SPAG16: variants seen among roughly 807,000 people sequenced by gnomAD.
SPAG16 encodes sperm-associated antigen 16 protein.
In SPAG16, 86 loss-of-function variants were observed where a neutral mutation model predicts 80.4. The observed-to-expected ratio is 1.07, with a 90% CI of 0.90 to 1.28. The LOEUF (loss-of-function observed/expected upper bound fraction) is 1.28, where lower values mean the gene tolerates loss of function less well. Among genes scored for constraint, SPAG16 ranks in the 50% most tolerant of loss-of-function variants. The probability of loss-of-function intolerance (pLI) is 0.00; values close to 1 mark genes in which losing one functional copy is unlikely to be tolerated. For synonymous variants in SPAG16, 294 were observed against 265.9 expected, an observed-to-expected ratio of 1.11 and a Z score of -1.03; for missense variants, 870 against 765.3, an observed-to-expected ratio of 1.14 and a Z score of -1.61.
intron 10 of SPAG16, among the ~76,000 whole-genome samples, chr2:213,731,478 C>G (rs182158255): frequency 2.3e-5 from 3 of 132,824 alleles, no homozygotes; most frequent in Admixed American, 1.5e-4. Flanking sequence ...TTTTTTTTTT[C>G]TTTTCCAACT....
chr2:213,301,602 A>G (rs1430925947), intron 3 of SPAG16, among the ~76,000 whole-genome samples: 4 of 152,086 alleles, frequency 2.6e-5, no homozygotes, highest in African/African-American at 4.8e-5. Context: ...AGTCTACCTT[A>G]AAGCTACCCT....
intron 12 of SPAG16, among the ~76,000 whole-genome samples, chr2:213,943,973 C>T (rs1431692028): frequency 2.0e-5 from 3 of 152,166 alleles, no homozygotes; most frequent in South Asian, 2.1e-4. Context: ...GACCATAGAG[C>T]TATTCAACTG....
At chr2:213,646,742 G>T (rs1272409142) in intron 10 of SPAG16, among the ~76,000 whole-genome samples, 8 of 152,200 alleles carry the variant, frequency 5.3e-5, no homozygotes, top group African/African-American at 1.9e-4. Flanking sequence ...ACTGTGTGAT[G>T]AAGTAATTTT....
chr2:214,372,095 C>G (rs1484484149), intron 15 of SPAG16, among the ~76,000 whole-genome samples: 1 of 152,120 alleles, frequency 6.6e-6, no homozygotes, highest in African/African-American at 2.4e-5. Flanking sequence ...TTGGGTCTCT[C>G]CTCTTTTGCA....
intron 8 of SPAG16, among the ~76,000 whole-genome samples, chr2:213,371,199 G>A (rs1050253046): frequency 6.6e-6 from 1 of 151,932 alleles, no homozygotes; most frequent in Admixed American, 6.6e-5. Context: ...ACGAGGTCAG[G>A]AAATCAAGAC....
At chr2:214,145,445 A>G (rs1214966205) in intron 14 of SPAG16, among the ~76,000 whole-genome samples, 3 of 152,178 alleles carry the variant, frequency 2.0e-5, no homozygotes, top group Non-Finnish European at 4.4e-5. Flanking sequence ...AAGTAATAGT[A>G]AAAGTTTCAG....
intron 11 of SPAG16, among the ~76,000 whole-genome samples, chr2:213,881,177 C>T (rs1459549547): frequency 6.6e-6 from 1 of 152,106 alleles, no homozygotes; most frequent in Non-Finnish European, 1.5e-5. Context: ...GATATCTCAT[C>T]TCCTTGGTTA....
chr2:213,317,212 A>G lies in SPAG16; in HGVS notation c.399-7A>G, dbSNP rs767691277. On this transcript the variant is annotated splice_polypyrimidine_tract_variant and splice_region_variant and intron_variant, in intron 4 of 15. Transcript: ENST00000331683. Reference sequence around the variant, plus strand: ...GATATAAACCCTTTTGTTTGATTTTATCCTAGGTATGAGTTAATACAGAAA... The same window carrying G: ...GATATAAACCCTTTTGTTTGATTTTGTCCTAGGTATGAGTTAATACAGAAA... The G allele has an allele frequency of 3.2e-5, 49 of 1,549,416 alleles. 2 individuals carry two copies. In the South Asian group the frequency reaches 5.8e-4, roughly 18 times the overall value.
At chr2:213,909,877 T>G (rs2372301) in intron 11 of SPAG16, among the ~76,000 whole-genome samples, 88,982 of 152,040 alleles carry the variant, frequency 0.59, 27,851 homozygotes, top group South Asian at 0.84. Context: ...TAAAGAAACT[T>G]GCATGAAAAC....
intron 9 of SPAG16, among the ~76,000 whole-genome samples, chr2:213,408,129 A>AAC (rs1559102252): frequency 6.6e-6 from 1 of 151,368 alleles, no homozygotes; most frequent in African/African-American, 2.4e-5. Context: ...AAAAAAAACA[A>AAC]AAAAACCAGT....
chr2:213,451,200 A>C (rs988891910), intron 9 of SPAG16, among the ~76,000 whole-genome samples: 1 of 152,182 alleles, frequency 6.6e-6, no homozygotes, highest in Non-Finnish European at 1.5e-5. Flanking sequence ...ATTTCATTTC[A>C]GGATAGTAAA....
At chr2:214,092,605 C>A (rs2052294835) in intron 13 of SPAG16, among the ~76,000 whole-genome samples, 1 of 151,546 alleles carries the variant, frequency 6.6e-6, no homozygotes, top group Non-Finnish European at 1.5e-5. Context: ...TTTATTGTAT[C>A]TTTTGCCATG....
At chr2:213,612,429 C>T (rs1218509992) in intron 10 of SPAG16, among the ~76,000 whole-genome samples, 1 of 152,140 alleles carries the variant, frequency 6.6e-6, no homozygotes, top group Admixed American at 6.5e-5. Context: ...AGCCAAGACA[C>T]CACGCTGAAT....
intron 11 of SPAG16, among the ~76,000 whole-genome samples, chr2:213,892,323 A>G (rs2076814218): frequency 1.3e-5 from 2 of 152,152 alleles, no homozygotes; most frequent in Admixed American, 6.6e-5. Context: ...CTGTGAGGAA[A>G]TGTATCCAAT....
chr2:213,401,636 A>G (rs966885990), intron 9 of SPAG16, among the ~76,000 whole-genome samples: 1 of 152,114 alleles, frequency 6.6e-6, no homozygotes. Context: ...TAATATGTTT[A>G]GTTGATGTTT....
At chr2:214,324,589 A>G (rs1696342524) in intron 15 of SPAG16, among the ~76,000 whole-genome samples, 1 of 152,338 alleles carries the variant, frequency 6.6e-6, no homozygotes, top group East Asian at 1.9e-4. Flanking sequence ...AGCCTATCAA[A>G]TAGTATTCCC....
chr2:214,396,121 G>T (rs1701357249), intron 15 of SPAG16, among the ~76,000 whole-genome samples: 1 of 152,120 alleles, frequency 6.6e-6, no homozygotes. Context: ...TTTCCACAAT[G>T]TTGGCCCATT....
chr2:213,369,326 T>C (rs13414104), intron 8 of SPAG16, among the ~76,000 whole-genome samples: 29,885 of 152,206 alleles, frequency 0.2, 3,900 homozygotes, highest in Non-Finnish European at 0.3. Flanking sequence ...AGAAATATGT[T>C]TTCCTTTTCT....
Position 213,974,344 on chromosome 2 carries a change from T to C in SPAG16, c.1401-39607T>C, listed in dbSNP as rs189483815. The stretch of plus-strand genomic sequence containing the variant: ...TACATAAAATTATATATACAATAAA[T>C]GTGATTATATTAAGACTTTTGAAAT... On this transcript the variant is annotated intron_variant, in intron 12 of 15. Coordinates refer to ENST00000331683, the MANE Select transcript of SPAG16 (RefSeq NM_024532.5). Among the ~76,000 whole-genome samples, 289 of 152,144 alleles carry C rather than the reference T, an allele frequency of 1.9e-3. 5 individuals are homozygous for C. The highest frequency in any genetic ancestry group is 6.6e-4 in the Non-Finnish European group (45 of 67,996).
Sources: allele counts gnomAD v4.1 joint callset (sites outside exome capture counted in the v4.1 genomes callset), GRCh38; gene constraint gnomAD v4.1.1; transcripts MANE v1.5; gene names NCBI Gene and HGNC (gene_info 2026-07-23, HGNC 2026-07-21).